The following CTU1 variants were observed in gnomAD, a reference collection of about 807,000 sequenced individuals.
CTU1 encodes the protein cytoplasmic tRNA 2-thiolation protein 1.
Under a neutral mutation model 12.9 loss-of-function variants are expected in CTU1, and 15 were observed. The observed-to-expected ratio is 1.16, with a 90% CI of 0.78 to 1.79. The LOEUF is 1.79. Among genes scored for constraint, CTU1 ranks in the 40% most tolerant of loss-of-function variants. The probability of loss-of-function intolerance (pLI) is 0.00; values close to 1 mark genes in which losing one functional copy is unlikely to be tolerated. For missense variants in CTU1, 553 were observed against 550.5 expected, an observed-to-expected ratio of 1.00 and a Z score of -0.05; for synonymous variants, 295 against 275.6, an observed-to-expected ratio of 1.07 and a Z score of -0.70.
rs750570086 is a variant in CTU1 at position 51,104,253 on chromosome 19, G to T, written c.317C>A (p.Ala106Glu). The T allele has an allele frequency of 6.6e-7, 1 of 1,507,962 alleles. No homozygotes were observed. Among genetic ancestry groups the T allele is most frequent in the South Asian group, 1.2e-5 (1 of 82,042 alleles). The allele number at this position is 1,507,962 out of a possible 1,614,324, so 93.4% of individuals were successfully genotyped here. The change falls in exon 2 of 3, where the codon GCG (alanine) becomes GAG (glutamate). Residue 106 changes from alanine (A) to glutamate (E), a missense_variant. Ala to Glu is a moderately radical substitution (Grantham distance 107). Transcript: ENST00000421832. ...CGTGAGCGGCAGCTCCCAGCGCGCC[G>T]CCTGGCGCCGCACGGCCGCCAACGC... ...DAALAAVRRQ[A>E]ARWELPLTVV...
rs773312410 is a variant in CTU1, at chr19:51,099,034, C to A, written c.614G>T (p.Gly205Val). Reference sequence around the variant, plus strand: ...CAGCGGGCGGCAGCGCGGCAGGGCGCCCCCCTCGCCGGGAGAGCCCAGGCC... The same window carrying A: ...CAGCGGGCGGCAGCGCGGCAGGGCGACCCCCTCGCCGGGAGAGCCCAGGCC... ...GGGLGSPGEG[G>V]ALPRCRPLQF... Residue 205 changes from glycine (G) to valine (V), a missense_variant, in exon 3 of 3, where the codon GGC (glycine) becomes GTC (valine). Physicochemically the swap from Gly to Val is moderately radical, Grantham distance 109. Around this residue, in one of 2 missense-constraint regions of CTU1, gnomAD observed 500 missense variants for 458.5 expected, o/e 1.09. Transcript: ENST00000421832. 4 of 1,509,032 alleles carry A rather than the reference C, an allele frequency of 2.7e-6. No individual in the cohort carries two copies. Among genetic ancestry groups the A allele is most frequent in the Non-Finnish European group, 3.5e-6 (4 of 1,132,584 alleles). The allele number at this position is 1,509,032 out of a possible 1,614,324, so 93.5% of individuals were successfully genotyped here.
At chr19:51,107,941 C>T (rs2091924421) in intron 1 of CTU1, among the ~76,000 whole-genome samples, 1 of 152,144 alleles carries the variant, frequency 6.6e-6, no homozygotes, top group South Asian at 2.1e-4. Flanking sequence ...GTCTGGTGCC[C>T]TCGCTCCCGC....
Position 51,098,577 on chromosome 19 carries a change from A to G in CTU1, c.*24T>C. 8.0e-7 allele frequency: 1 copy of G among 1,251,474 alleles called. No individual in the cohort carries two copies. Among genetic ancestry groups the G allele is most frequent in the Non-Finnish European group, 1.0e-6 (1 of 994,906 alleles). 77.5% of individuals were successfully genotyped at this position (1,251,474 alleles called of 1,614,324 possible). On this transcript the variant is annotated 3_prime_UTR_variant, in exon 3 of 3. Coordinates refer to ENST00000421832, the MANE Select transcript of CTU1 (RefSeq NM_145232.4). The surrounding 1 kb of genome is among the most constrained non-coding windows in gnomAD (Gnocchi z 4.3). The stretch of plus-strand genomic sequence containing the variant: ...GGCAGCCCCCACCCCGCGGCATCAG[A>G]TCCCGGCGGGAGGCCCGAAGTCGCT...
In CTU1 at chr19:51,104,273, C is replaced by A. The variant is rs780016404; in HGVS notation, c.297G>T (p.Leu99Phe). Reference protein sequence around the residue: ...EGIGGYRDAALAAVRRQAARW... With the variant: ...EGIGGYRDAAFAAVRRQAARW... ...GCGCCGCCTGGCGCCGCACGGCCGC[C>A]AACGCCGCGTCCCGGTAGCCACCGA... Residue 99 changes from leucine (L) to phenylalanine (F), a missense_variant, in exon 2 of 3, where the codon TTG becomes TTT. This residue lies in a region of CTU1 where 500 missense variants were observed against 458.5 expected (regional missense o/e 1.09). Coordinates refer to ENST00000421832, the MANE Select transcript of CTU1 (RefSeq NM_145232.4). 1.7e-4 allele frequency: 261 copies of A among 1,503,350 alleles called. 1 individual carries two copies. Among genetic ancestry groups the A allele is most frequent in the Non-Finnish European group, 2.2e-4 (249 of 1,131,108 alleles). 93.1% of individuals were successfully genotyped at this position (1,503,350 alleles called of 1,614,324 possible). A position where few individuals can be genotyped will look rare whatever the true frequency, so the allele number is the denominator to read the frequency against.
chr19:51,099,137 G>A lies in CTU1; in HGVS notation c.511C>T (p.His171Tyr). 7 of 1,569,894 alleles carry A rather than the reference G, an allele frequency of 4.5e-6. No homozygotes were observed. Among genetic ancestry groups the A allele is most frequent in the Non-Finnish European group, 6.0e-6 (7 of 1,167,380 alleles). ...GTCTCCGCCATGTCGTCGGCGTTGT[G>A]ACCTGGTGGGGAGAGAAGGGAGCGG... ...RVGATHIVTG[H>Y]NADDMAETVL... Residue 171 changes from histidine (H) to tyrosine (Y), a missense_variant and splice_region_variant, in exon 3 of 3, where the codon CAC (histidine) becomes TAC (tyrosine). Physicochemically the swap from His to Tyr is moderately conservative, Grantham distance 83. Around this residue, in one of 2 missense-constraint regions of CTU1, gnomAD observed 500 missense variants for 458.5 expected, o/e 1.09. Transcript: ENST00000421832.
chr19:51,104,020 C>G (rs755424914), intron 2 of CTU1, 42 bp downstream of exon 2: 2 of 1,407,570 alleles, frequency 1.4e-6, no homozygotes, highest in Non-Finnish European at 1.8e-6. Flanking sequence ...ATTCGCCCCA[C>G]TGCCTCGGAG....
chr19:51,104,446 C>G lies in CTU1; in HGVS notation c.124G>C (p.Val42Leu), dbSNP rs1437490743. The G allele has an allele frequency of 1.8e-5, 23 of 1,272,036 alleles. No individual in the cohort carries two copies. Among genetic ancestry groups the G allele is most frequent in the Non-Finnish European group, 2.1e-5 (21 of 1,008,710 alleles). The allele number at this position is 1,272,036 out of a possible 1,614,324, so 78.8% of individuals were successfully genotyped here. A position where few individuals can be genotyped will look rare whatever the true frequency, so the allele number is the denominator to read the frequency against. The change falls in exon 2 of 3, where the codon GTG becomes CTG. Residue 42 changes from valine to leucine, a missense_variant. Physicochemically the swap from Val to Leu is conservative, Grantham distance 32 (BLOSUM62 1). Transcript: ENST00000421832. ...AAFEAEVLHT[V>L]LAGRLLPPGA... ...GGCGGCAGCAGGCGGCCGGCGAGCA[C>G]CGTGTGCAGCACCTCGGCCTCGAAG...
intron 2 of CTU1, among the ~76,000 whole-genome samples, chr19:51,101,525 A>G (rs539264568): frequency 1.3e-5 from 2 of 152,288 alleles, no homozygotes; most frequent in African/African-American, 4.8e-5. Context: ...CTAAAATCCT[A>G]TAACACAGAG....
In CTU1 at chr19:51,098,931, G is replaced by A; in HGVS notation, c.717C>T (p.Tyr239=). ...CGTGGCCGCGGAAGGCCTCGGGCGCGTAGACGCACTCCTCGGAGAAGTAGT... is the reference window on the plus strand; with the variant it reads ...CGTGGCCGCGGAAGGCCTCGGGCGCATAGACGCACTCCTCGGAGAAGTAGT... ...RLDYFSEECV[Y]APEAFRGHAR... is the part of the protein sequence containing the mutation. The change falls in exon 3 of 3, where the codon TAC becomes TAT. Residue 239 remains tyrosine (Y), a synonymous_variant. Coordinates refer to ENST00000421832, the MANE Select transcript of CTU1 (RefSeq NM_145232.4). The surrounding 1 kb of genome is among the most constrained non-coding windows in gnomAD (Gnocchi z 4.3). 1 of 1,535,368 alleles carries A rather than the reference G, an allele frequency of 6.5e-7. No individual in the cohort carries two copies. Among genetic ancestry groups the A allele is most frequent in the Non-Finnish European group, 8.7e-7 (1 of 1,146,162 alleles).
At chr19:51,102,837 C>CT (rs34598154) in intron 2 of CTU1, among the ~76,000 whole-genome samples, 71,949 of 151,848 alleles carry the variant, frequency 0.47, 18,015 homozygotes, top group African/African-American at 0.65. Context: ...TTCTTACCCG[C>CT]TTTACCTCTT....
chr19:51,104,314 C>T lies in CTU1; in HGVS notation c.256G>A (p.Ala86Thr), dbSNP rs1446529862. 6.7e-7 allele frequency: 1 copy of T among 1,490,276 alleles called. No individual in the cohort carries two copies. The allele number at this position is 1,490,276 out of a possible 1,614,324, so 92.3% of individuals were successfully genotyped here. A position where few individuals can be genotyped will look rare whatever the true frequency, so the allele number is the denominator to read the frequency against. The change falls in exon 2 of 3, where the codon GCC becomes ACC. Residue 86 changes from alanine to threonine, a missense_variant. Around this residue, in one of 2 missense-constraint regions of CTU1, gnomAD observed 500 missense variants for 458.5 expected, o/e 1.09. Coordinates refer to ENST00000421832, the MANE Select transcript of CTU1 (RefSeq NM_145232.4). ...PRLGISLQLV[A>T]VDEGIGGYRD... ...TAGCCACCGATGCCCTCATCGACGG[C>T]CACGAGCTGCAGTGAGATGCCCAGG...
At chr19:51,103,595 A>AG (rs1219485282) in intron 2 of CTU1, among the ~76,000 whole-genome samples, 2 of 152,000 alleles carry the variant, frequency 1.3e-5, no homozygotes, top group Non-Finnish European at 2.9e-5. Context: ...AAAAAAAAAA[A>AG]AAAAAAAAAA....
Position 51,099,083 on chromosome 19 carries a change from C to CGTCGCCCCGT in CTU1, c.555_564dup (p.Ala189ThrfsTer285). On this transcript the variant is annotated frameshift_variant, in exon 3 of 3. Coordinates refer to ENST00000421832, the MANE Select transcript of CTU1 (RefSeq NM_145232.4). LOFTEE classifies it high-confidence loss of function. ...CCCCCGCCCCGGGCCAGCCGCCCCG[C>CGTCGCCCCGT]GTCGCCCCGTAGGAAGTTCATGAGC... The CGTCGCCCCGT allele has an allele frequency of 6.5e-7, 1 of 1,539,200 alleles. No individual in the cohort carries two copies. The highest frequency in any genetic ancestry group is 1.2e-5 in the South Asian group (1 of 84,986).
chr19:51,104,115 C>A lies in CTU1; in HGVS notation c.455G>T (p.Arg152Leu). 1 of 1,483,184 alleles carries A rather than the reference C, an allele frequency of 6.7e-7. No individual in the cohort carries two copies. The highest frequency in any genetic ancestry group is 1.4e-5 in the South Asian group (1 of 73,168). 91.9% of individuals were successfully genotyped at this position (1,483,184 alleles called of 1,614,324 possible). Residue 152 changes from arginine to leucine, a missense_variant, in exon 2 of 3, where the codon CGC (arginine) becomes CTC (leucine). Transcript: ENST00000421832. ...SCCTFCGVLRRRALEEGARRV... is the reference protein window; with the variant it reads ...SCCTFCGVLRLRALEEGARRV... ...GCGCGCCCCTTCCTCCAGCGCCCGG[C>A]GCCGCAGCACTCCACAGAAGGTGCA...
chr19:51,103,094 G>A (rs116320751), intron 2 of CTU1, among the ~76,000 whole-genome samples: 2,663 of 152,032 alleles, frequency 0.018, 62 homozygotes, highest in African/African-American at 0.059. Context: ...TATATCATAC[G>A]GGTTATGTAA....
At chr19:51,107,631 T>A (rs771363549) in intron 1 of CTU1, among the ~76,000 whole-genome samples, 3 of 152,096 alleles carry the variant, frequency 2.0e-5, no homozygotes, top group Non-Finnish European at 4.4e-5. Flanking sequence ...ACAGGACTTG[T>A]ATAAGACTGA....
intron 1 of CTU1, among the ~76,000 whole-genome samples, chr19:51,107,285 A>AC (rs1256219579): frequency 2.0e-5 from 3 of 152,020 alleles, no homozygotes; most frequent in Admixed American, 1.3e-4. Context: ...ACATAGCGAG[A>AC]CCCCATCTCT....
At chr19:51,106,828 C>G (rs2091921893) in intron 1 of CTU1, among the ~76,000 whole-genome samples, 1 of 152,188 alleles carries the variant, frequency 6.6e-6, no homozygotes, top group African/African-American at 2.4e-5. Flanking sequence ...TCTTTCCATT[C>G]TTATGAGCGC....
In CTU1 at chr19:51,104,520, C is replaced by T. The variant is rs915575123; in HGVS notation, c.50G>A (p.Arg17His). 7.1e-6 allele frequency: 9 copies of T among 1,271,770 alleles called. No homozygotes were observed. The highest frequency in any genetic ancestry group is 4.6e-5 in the African/African-American group (3 of 64,522). 78.8% of individuals were successfully genotyped at this position (1,271,770 alleles called of 1,614,324 possible). A position where few individuals can be genotyped will look rare whatever the true frequency, so the allele number is the denominator to read the frequency against. Residue 17 changes from arginine to histidine, a missense_variant, in exon 2 of 3, where the codon CGC becomes CAC. Physicochemically the swap from Arg to His is conservative, Grantham distance 29. Coordinates refer to ENST00000421832, the MANE Select transcript of CTU1 (RefSeq NM_145232.4). ...ASCHAARAALRRPLSGQALCG... is the reference protein window; with the variant it reads ...ASCHAARAALHRPLSGQALCG... ...CAGCGCTTGGCCCGAGAGCGGACGG[C>T]GGAGGGCGGCGCGTGCAGCATGGCA...
Sources: allele counts gnomAD v4.1 joint callset (sites outside exome capture counted in the v4.1 genomes callset), GRCh38; gene constraint gnomAD v4.1.1; regional missense constraint gnomAD v4.1.1; non-coding constraint Gnocchi (gnomAD v3.1); transcripts MANE v1.5; gene names NCBI Gene and HGNC (gene_info 2026-07-23, HGNC 2026-07-21).